FNDC1: variants seen among roughly 807,000 people sequenced by gnomAD.
The protein encoded by FNDC1 is fibronectin type III domain-containing protein 1.
Under a neutral mutation model 168.0 loss-of-function variants are expected in FNDC1, and 96 were observed. The ratio of observed to expected loss-of-function variants is 0.57; its 90% confidence interval spans 0.48 to 0.68. The LOEUF (loss-of-function observed/expected upper bound fraction) is 0.68, where lower values mean the gene tolerates loss of function less well. Ranked by LOEUF, FNDC1 falls within the 30% of genes least tolerant of loss-of-function variation. The pLI is 0.00. For missense variants in FNDC1, 2,587 were observed against 2,482.1 expected (o/e 1.04, Z -0.90); for synonymous variants, 1,099 against 1,025.9 (o/e 1.07, Z -1.36).
In FNDC1 at chr6:159,245,263, G is replaced by T. The variant is rs117617644; in HGVS notation, c.4622-1638G>T. Among the ~76,000 whole-genome samples, 17 of 152,256 alleles carry T rather than the reference G, an allele frequency of 1.1e-4. No individual in the cohort carries two copies. In the East Asian group the frequency reaches 3.3e-3, roughly 29 times the overall value. On this transcript the variant is annotated intron_variant, in intron 14 of 22. Coordinates refer to ENST00000297267, the MANE Select transcript of FNDC1 (RefSeq NM_032532.3). ...GTGGGGATACAGCCAAACCATATCA[G>T]CTGAGAAGTGGGTATTTATAAGCTC...
chr6:159,226,427 G>A lies in FNDC1; in HGVS notation c.1073-46G>A, dbSNP rs1357504119. On this transcript the variant is annotated intron_variant, in intron 8 of 22. Coordinates refer to ENST00000297267, the MANE Select transcript of FNDC1 (RefSeq NM_032532.3). ...ACCATGTGCTATTTACATCTAGAAT[G>A]TCCGGTAAGGCATTTAAAAATGTTT... 2.1e-6 allele frequency: 3 copies of A among 1,449,780 alleles called. No homozygotes were observed. In the Admixed American group the frequency reaches 5.7e-5, roughly 27 times the overall value. 89.8% of individuals were successfully genotyped at this position (1,449,780 alleles called of 1,614,324 possible).
At chr6:159,244,228 G>A (rs1783492784) in intron 14 of FNDC1, among the ~76,000 whole-genome samples, 1 of 152,190 alleles carries the variant, frequency 6.6e-6, no homozygotes, top group African/African-American at 2.4e-5. Context: ...AAGTTTACAG[G>A]GTGTGAACCT....
intron 22 of FNDC1, among the ~76,000 whole-genome samples, chr6:159,268,477 C>G (rs550577089): frequency 5.4e-4 from 82 of 152,274 alleles, no homozygotes; most frequent in Non-Finnish European, 9.9e-4. Context: ...AAATAAAATA[C>G]AGTAAAATAC....
chr6:159,267,553 A>G (rs1447774887), intron 21 of FNDC1, among the ~76,000 whole-genome samples: 1 of 152,142 alleles, frequency 6.6e-6, no homozygotes, highest in Non-Finnish European at 1.5e-5. Context: ...GAAACTGCCT[A>G]TAGTGTTAAT....
At chr6:159,175,602 C>T (rs1270674047) in intron 1 of FNDC1, among the ~76,000 whole-genome samples, 2 of 152,190 alleles carry the variant, frequency 1.3e-5, no homozygotes, top group East Asian at 3.8e-4. Flanking sequence ...TCCAACAAGG[C>T]TAAACTTAAG....
intron 9 of FNDC1, 22 bp from the exon 10 acceptor site, chr6:159,229,793 A>C: frequency 6.3e-7 from 1 of 1,597,490 alleles, no homozygotes; most frequent in East Asian, 2.2e-5. Context: ...CCTCCTTCCA[A>C]CCATCTGCCA....
chr6:159,215,759 C>T (rs1404358462), intron 5 of FNDC1, among the ~76,000 whole-genome samples: 1 of 152,148 alleles, frequency 6.6e-6, no homozygotes, highest in Non-Finnish European at 1.5e-5. Flanking sequence ...CAGGAAGCAT[C>T]CAGCACAGGA....
At chr6:159,179,157 A>G (rs1781830993) in intron 1 of FNDC1, among the ~76,000 whole-genome samples, 1 of 152,216 alleles carries the variant, frequency 6.6e-6, no homozygotes, top group African/African-American at 2.4e-5. Context: ...GCAACCTTCC[A>G]TGAACATCAG....
chr6:159,233,079 G>A lies in FNDC1; in HGVS notation c.2567G>A (p.Arg856Gln). 4.9e-6 allele frequency: 7 copies of A among 1,428,028 alleles called. No homozygotes were observed. The highest frequency in any genetic ancestry group is 3.5e-5 in the South Asian group (3 of 85,622). 88.5% of individuals were successfully genotyped at this position (1,428,028 alleles called of 1,614,324 possible). Reference sequence around the variant, plus strand: ...TCCCCACAGTCGACTGTGCCCTCCCGAGCCCACCCCAGGGTTCCCTCTCAC... The same window carrying A: ...TCCCCACAGTCGACTGTGCCCTCCCAAGCCCACCCCAGGGTTCCCTCTCAC... ...SSSPQSTVPS[R>Q]AHPRVPSHSD... Residue 856 changes from arginine (R) to glutamine (Q), a missense_variant, in exon 11 of 23, where the codon CGA (arginine) becomes CAA (glutamine). Physicochemically the swap from Arg to Gln is conservative, Grantham distance 43 (BLOSUM62 1). Coordinates refer to ENST00000297267, the MANE Select transcript of FNDC1 (RefSeq NM_032532.3). The surrounding 1 kb of genome is among the most constrained non-coding windows in gnomAD (Gnocchi z 4.6).
intron 1 of FNDC1, among the ~76,000 whole-genome samples, chr6:159,182,450 T>C (rs1476208017): frequency 1.3e-5 from 2 of 152,004 alleles, no homozygotes; most frequent in African/African-American, 4.8e-5. Flanking sequence ...ATGGGGAAAA[T>C]CTCTAGTAAA....
At chr6:159,239,378 C>A in intron 13 of FNDC1, 139 bp from the exon 14 acceptor site, 1 of 687,848 alleles carries the variant, frequency 1.5e-6, no homozygotes, top group East Asian at 2.7e-5. Flanking sequence ...CATACTGATG[C>A]AATATTCATT....
In FNDC1 at chr6:159,233,602, G is replaced by T. The variant is rs1783159938; in HGVS notation, c.3090G>T (p.Gln1030His). 6.3e-7 allele frequency: 1 copy of T among 1,577,920 alleles called. No homozygotes were observed. Among genetic ancestry groups the T allele is most frequent in the Admixed American group, 1.8e-5 (1 of 55,640 alleles). The change falls in exon 11 of 23, where the codon CAG (glutamine) becomes CAT (histidine). Residue 1030 changes from glutamine (Q) to histidine (H), a missense_variant. By Grantham distance (24) the Gln-to-His change is conservative. Transcript: ENST00000297267. The surrounding 1 kb of genome is among the most constrained non-coding windows in gnomAD (Gnocchi z 4.6). ...QSRDAGRSPSQPRLSLTQAGR... is the reference protein window; with the variant it reads ...QSRDAGRSPSHPRLSLTQAGR... ...GAGACGCGGGTCGGTCACCTTCCCA[G>T]CCCAGGCTCTCACTGACCCAGGCCG... is the stretch of plus-strand genomic sequence containing the variant.
chr6:159,216,689 G>A (rs410002), intron 5 of FNDC1, among the ~76,000 whole-genome samples: 73,532 of 152,142 alleles, frequency 0.48, 20,206 homozygotes, highest in African/African-American at 0.75. Flanking sequence ...AGCACACGCA[G>A]GGCCCAGGGC....
chr6:159,201,346 C>A (rs1241347493), intron 4 of FNDC1, among the ~76,000 whole-genome samples: 1 of 152,180 alleles, frequency 6.6e-6, no homozygotes, highest in Admixed American at 6.5e-5. Flanking sequence ...ATCTGCTTTT[C>A]AGACCAGATT....
intron 9 of FNDC1, among the ~76,000 whole-genome samples, chr6:159,228,798 C>G (rs1268664290): frequency 6.6e-6 from 1 of 152,142 alleles, no homozygotes; most frequent in Non-Finnish European, 1.5e-5. Context: ...GCCTCAGCCT[C>G]TCGAGTAGCT....
At chr6:159,269,789 C>T (rs947413355) in intron 22 of FNDC1, among the ~76,000 whole-genome samples, 2 of 152,140 alleles carry the variant, frequency 1.3e-5, no homozygotes, top group East Asian at 3.8e-4. Context: ...GCAGAGTTAC[C>T]TCTGGTTAGG....
intron 9 of FNDC1, among the ~76,000 whole-genome samples, chr6:159,228,816 C>T (rs1278151644): frequency 6.6e-6 from 1 of 152,146 alleles, no homozygotes; most frequent in Non-Finnish European, 1.5e-5. Context: ...GCTGGGACCA[C>T]AGGCACACAC....
At chr6:159,216,562 C>G (rs1782713745) in intron 5 of FNDC1, among the ~76,000 whole-genome samples, 1 of 152,154 alleles carries the variant, frequency 6.6e-6, no homozygotes, top group Non-Finnish European at 1.5e-5. Flanking sequence ...GAGATAGTGC[C>G]AAGAGCCGTC....
Position 159,224,458 on chromosome 6 carries a change from C to T in FNDC1, c.884+813C>T, listed in dbSNP as rs115621626. Among the ~76,000 whole-genome samples the T allele has an allele frequency of 3.0e-3, 459 of 152,146 alleles. 5 individuals are homozygous for T. Among genetic ancestry groups the T allele is most frequent in the African/African-American group, 4.5e-3 (188 of 41,490 alleles). ...CAAGAAAGGGGAATATAGTTTAAAA[C>T]GAATGGGATATGATGACATTATATA... On this transcript the variant is annotated intron_variant, in intron 7 of 22. Transcript: ENST00000297267.
Sources: allele counts gnomAD v4.1 joint callset (sites outside exome capture counted in the v4.1 genomes callset), GRCh38; gene constraint gnomAD v4.1.1; non-coding constraint Gnocchi (gnomAD v3.1); transcripts MANE v1.5; gene names NCBI Gene and HGNC (gene_info 2026-07-23, HGNC 2026-07-21).